RSRC1: variants seen among roughly 807,000 people sequenced by gnomAD.
The protein encoded by RSRC1 is serine/Arginine-related protein 53.
Under a neutral mutation model 49.1 loss-of-function variants are expected in RSRC1, and 39 were observed. The observed-to-expected ratio is 0.79, with a 90% confidence interval of 0.61 to 1.04. RSRC1 has a LOEUF of 1.04. RSRC1 is among the 50% of genes least tolerant of loss of function. The pLI, the probability that RSRC1 is intolerant of heterozygous loss-of-function variation, is 0.00. For missense variants in RSRC1, 388 were observed against 402.4 expected (o/e 0.96, Z 0.31); for synonymous variants, 143 against 130.8 (o/e 1.09, Z -0.63).
intron 5 of RSRC1, among the ~76,000 whole-genome samples, chr3:158,311,424 C>T (rs1728119000): frequency 6.6e-6 from 1 of 151,698 alleles, no homozygotes; most frequent in African/African-American, 2.4e-5. Context: ...TAAATCCAGC[C>T]TTTAATATTT....
chr3:158,246,172 T>C (rs1050649803), intron 4 of RSRC1, among the ~76,000 whole-genome samples: 27 of 149,392 alleles, frequency 1.8e-4, no homozygotes, highest in African/African-American at 6.7e-4. Context: ...CCGCATGCTC[T>C]CACTCATAGG....
chr3:158,503,203 C>T (rs1739687130), intron 7 of RSRC1, among the ~76,000 whole-genome samples: 1 of 152,120 alleles, frequency 6.6e-6, no homozygotes, highest in Non-Finnish European at 1.5e-5. Flanking sequence ...CGGGGTGGTA[C>T]TGGGGGCTGT....
rs548892637 is a variant in RSRC1, at chr3:158,169,876, T to C, written c.321-33196T>C. 1.3e-4 allele frequency among the ~76,000 whole-genome samples: 20 copies of C among 152,334 alleles called. 1 individual carries two copies. In the South Asian group the frequency reaches 4.1e-3, roughly 32 times the overall value. ...AGGTACTTGTCAGAGAATATAATCTTACTATTATGTAGAACCTTTCAAAAC... is the reference window on the plus strand; with the variant it reads ...AGGTACTTGTCAGAGAATATAATCTCACTATTATGTAGAACCTTTCAAAAC... On this transcript the variant is annotated intron_variant, in intron 3 of 9. Transcript: ENST00000611884.
intron 7 of RSRC1, among the ~76,000 whole-genome samples, chr3:158,476,301 G>A (rs1738364976): frequency 6.6e-6 from 1 of 152,160 alleles, no homozygotes; most frequent in Admixed American, 6.6e-5. Flanking sequence ...AAAAGATCTA[G>A]CTAAGATCAC....
At chr3:158,307,574 T>C (rs1041317950) in intron 5 of RSRC1, among the ~76,000 whole-genome samples, 1 of 151,852 alleles carries the variant, frequency 6.6e-6, no homozygotes, top group Non-Finnish European at 1.5e-5. Context: ...TTTAGCAATA[T>C]TTATACCAAG....
intron 4 of RSRC1, among the ~76,000 whole-genome samples, chr3:158,224,816 G>A (rs1231369912): frequency 2.0e-5 from 3 of 151,828 alleles, no homozygotes; most frequent in South Asian, 4.1e-4. Context: ...GCTATGAAAT[G>A]TATGGTCTAC....
chr3:158,195,481 G>C (rs1275163510), intron 3 of RSRC1, among the ~76,000 whole-genome samples: 1 of 151,926 alleles, frequency 6.6e-6, no homozygotes, highest in South Asian at 2.1e-4. Flanking sequence ...TTCTTTTGCT[G>C]TGCAGAAGCT....
intron 5 of RSRC1, among the ~76,000 whole-genome samples, chr3:158,313,245 T>A (rs950541126): frequency 2.6e-5 from 4 of 152,188 alleles, no homozygotes; most frequent in Admixed American, 1.3e-4. Flanking sequence ...TATTATTGTG[T>A]AATTACTTGA....
Position 158,354,872 on chromosome 3 carries a change from G to A in RSRC1, c.547G>A (p.Ala183Thr). The A allele has an allele frequency of 6.4e-7, 1 of 1,552,736 alleles. No individual in the cohort carries two copies. Among genetic ancestry groups the A allele is most frequent in the Non-Finnish European group, 8.7e-7 (1 of 1,152,410 alleles). ...TCTTTTTTAGCCACCAGCTGAACAG[G>A]CCAAAGCCAGACTACAGCTGGTTCT... ...GLEHLPPAEQ[A>T]KARLQLVLEA... Residue 183 changes from alanine (A) to threonine (T), a missense_variant, in exon 6 of 10, where the codon GCC becomes ACC. Physicochemically the swap from Ala to Thr is moderately conservative, Grantham distance 58. Coordinates refer to ENST00000611884, the MANE Select transcript of RSRC1 (RefSeq NM_001271838.2).
intron 4 of RSRC1, among the ~76,000 whole-genome samples, chr3:158,280,793 C>T (rs1345431813): frequency 6.6e-6 from 1 of 151,864 alleles, no homozygotes; most frequent in Non-Finnish European, 1.5e-5. Flanking sequence ...ACTACAGGTG[C>T]ATGCCACCAC....
At position 158,157,483 on chromosome 3, in the gene RSRC1, T is replaced by A. The variant is rs187766314; in HGVS notation, c.320+33492T>A. 7.9e-4 allele frequency among the ~76,000 whole-genome samples: 121 copies of A among 152,320 alleles called. 1 individual carries two copies. The Middle Eastern group carries it at 0.024, about 30-fold the overall frequency. Reference sequence around the variant, plus strand: ...AGAGTTTGGGATTATGACAGTTAAATGTCTTTGGTGTTGGTAGAGTAATCC... The same window carrying A: ...AGAGTTTGGGATTATGACAGTTAAAAGTCTTTGGTGTTGGTAGAGTAATCC... On this transcript the variant is annotated intron_variant, in intron 3 of 9. Coordinates refer to ENST00000611884, the MANE Select transcript of RSRC1 (RefSeq NM_001271838.2).
At chr3:158,453,791 G>C (rs1288372179) in intron 6 of RSRC1, among the ~76,000 whole-genome samples, 1 of 151,968 alleles carries the variant, frequency 6.6e-6, no homozygotes, top group Non-Finnish European at 1.5e-5. Context: ...GCTTTTAAAT[G>C]TTTATGTTTG....
chr3:158,537,594 C>T (rs1292362315), intron 8 of RSRC1, among the ~76,000 whole-genome samples: 2 of 151,552 alleles, frequency 1.3e-5, no homozygotes, highest in Non-Finnish European at 3.0e-5. Context: ...AACTAATACC[C>T]ATATTGTCAC....
chr3:158,426,572 G>A (rs985181600), intron 6 of RSRC1, among the ~76,000 whole-genome samples: 1 of 151,492 alleles, frequency 6.6e-6, no homozygotes, highest in Admixed American at 6.6e-5. Context: ...TGAAACAGAA[G>A]TATGATGAAA....
chr3:158,424,171 A>G (rs1007154598), intron 6 of RSRC1, among the ~76,000 whole-genome samples: 3 of 152,154 alleles, frequency 2.0e-5, no homozygotes, highest in Non-Finnish European at 4.4e-5. Context: ...TTCAAAGGGA[A>G]TGCTTCCAGT....
chr3:158,427,117 A>G (rs1040075982), intron 6 of RSRC1, among the ~76,000 whole-genome samples: 1 of 151,752 alleles, frequency 6.6e-6, no homozygotes, highest in African/African-American at 2.4e-5. Context: ...TTGCCTGTGT[A>G]GAACAGGCTA....
At chr3:158,507,102 G>A (rs1739894434) in intron 7 of RSRC1, among the ~76,000 whole-genome samples, 1 of 151,932 alleles carries the variant, frequency 6.6e-6, no homozygotes, top group African/African-American at 2.4e-5. Context: ...AACATGGATG[G>A]AACTGGAGGT....
At chr3:158,222,504 A>C (rs1416430044) in intron 4 of RSRC1, among the ~76,000 whole-genome samples, 1 of 151,544 alleles carries the variant, frequency 6.6e-6, no homozygotes, top group Non-Finnish European at 1.5e-5. Context: ...TTGTTTGTAC[A>C]CTATAAATAT....
At chr3:158,155,777 A>G (rs1352542862) in intron 3 of RSRC1, among the ~76,000 whole-genome samples, 1 of 152,070 alleles carries the variant, frequency 6.6e-6, no homozygotes, top group African/African-American at 2.4e-5. Flanking sequence ...TCTGAGCAGT[A>G]GGTCTCAACA....
Sources: allele counts gnomAD v4.1 joint callset (sites outside exome capture counted in the v4.1 genomes callset), GRCh38; gene constraint gnomAD v4.1.1; transcripts MANE v1.5; gene names NCBI Gene and HGNC (gene_info 2026-07-23, HGNC 2026-07-21).